The following OPCML variants were observed in gnomAD, a reference collection of about 807,000 sequenced individuals.
OPCML encodes the protein opioid binding protein/cell adhesion molecule like.
In OPCML, 13 loss-of-function variants were observed where a neutral mutation model predicts 37.8. The observed-to-expected ratio is 0.34, with a 90% CI of 0.22 to 0.55. The LOEUF (loss-of-function observed/expected upper bound fraction) is 0.55. OPCML is among the 20% of genes least tolerant of loss of function. The pLI is 0.91. For synonymous variants in OPCML, 176 were observed against 168.8 expected (o/e 1.04, Z -0.33); for missense variants, 341 against 435.6 (o/e 0.78, Z 1.93).
rs557105058 is a variant in OPCML at position 132,638,215 on chromosome 11, C to CTA, written c.379+18870_379+18871dup. Among the ~76,000 whole-genome samples the CTA allele has an allele frequency of 2.4e-4, 29 of 118,570 alleles. No homozygotes were observed. The East Asian group carries it at 4.0e-3, about 16-fold the overall frequency. 77.8% of individuals were successfully genotyped at this position (118,570 alleles called of 152,430 possible). ...GAGAGAGAGAGAGCATATATACAGA[C>CTA]TATATATATATATGATGTATACATA... is the stretch of plus-strand genomic sequence containing the variant. On this transcript the variant is annotated intron_variant, in intron 3 of 7. Transcript: ENST00000524381.
chr11:132,638,186 T>TATAC (rs71067383), intron 3 of OPCML, among the ~76,000 whole-genome samples: 3 of 131,020 alleles, frequency 2.3e-5, no homozygotes, highest in South Asian at 2.6e-4. Flanking sequence ...TATATATATA[T>TATAC]ACAGAGAGAG....
At chr11:133,181,137 A>G (rs1382255350) in intron 1 of OPCML, among the ~76,000 whole-genome samples, 1 of 152,234 alleles carries the variant, frequency 6.6e-6, no homozygotes, top group African/African-American at 2.4e-5. Context: ...AGTGGTTGCC[A>G]GCGTTTGGGG....
At chr11:132,918,912 G>A (rs1944695575) in intron 2 of OPCML, among the ~76,000 whole-genome samples, 1 of 152,198 alleles carries the variant, frequency 6.6e-6, no homozygotes, top group Admixed American at 6.5e-5. Flanking sequence ...TTGGACACTT[G>A]TGTATGACTC....
intron 2 of OPCML, among the ~76,000 whole-genome samples, chr11:132,852,125 A>C (rs575212815): frequency 2.0e-5 from 3 of 152,118 alleles, no homozygotes; most frequent in African/African-American, 7.2e-5. Flanking sequence ...GTACAAACAG[A>C]CCTTGTTAAA....
intron 2 of OPCML, among the ~76,000 whole-genome samples, chr11:132,711,245 G>A (rs1386290535): frequency 3.9e-5 from 6 of 152,174 alleles, no homozygotes; most frequent in Non-Finnish European, 7.3e-5. Flanking sequence ...CTCCGCAAGC[G>A]AGGACACTCA....
At chr11:132,844,895 A>G (rs1327730973) in intron 2 of OPCML, among the ~76,000 whole-genome samples, 2 of 151,634 alleles carry the variant, frequency 1.3e-5, no homozygotes, top group Non-Finnish European at 2.9e-5. Context: ...TACTTGGTTA[A>G]TCGCTACCCA....
intron 2 of OPCML, among the ~76,000 whole-genome samples, chr11:132,900,337 G>A (rs1944009267): frequency 6.6e-6 from 1 of 152,094 alleles, no homozygotes; most frequent in African/African-American, 2.4e-5. Flanking sequence ...CTATCACCAA[G>A]TCTCAATGAT....
chr11:132,817,953 T>C (rs573167825), intron 2 of OPCML, among the ~76,000 whole-genome samples: 4 of 152,132 alleles, frequency 2.6e-5, no homozygotes, highest in Non-Finnish European at 5.9e-5. Context: ...CAATATGGCA[T>C]TGTACAAGGG....
intron 1 of OPCML, among the ~76,000 whole-genome samples, chr11:133,271,383 T>A (rs1047155383): frequency 2.0e-5 from 3 of 152,202 alleles, no homozygotes; most frequent in Non-Finnish European, 4.4e-5. Flanking sequence ...CTGACATTGA[T>A]AGATGTTGTC....
Position 133,023,635 on chromosome 11 carries a change from C to A in OPCML, c.62-80625G>T, listed in dbSNP as rs74971927. ...ACTTCTCATAATTCTACGCAACAGT[C>A]AATATTAGCCATCACTGCCTCAAAT... On this transcript the variant is annotated intron_variant, in intron 1 of 7. Transcript: ENST00000524381. Among the ~76,000 whole-genome samples the A allele has an allele frequency of 3.5e-4, 53 of 152,206 alleles. No homozygotes were observed. The East Asian group carries it at 8.7e-3, about 25-fold the overall frequency.
intron 1 of OPCML, among the ~76,000 whole-genome samples, chr11:133,359,231 C>T (rs947859815): frequency 3.3e-5 from 5 of 152,156 alleles, no homozygotes; most frequent in African/African-American, 1.2e-4. Context: ...GTTTCTCACC[C>T]CCACTTCCTC....
intron 2 of OPCML, among the ~76,000 whole-genome samples, chr11:132,698,822 C>T (rs1405771763): frequency 6.6e-6 from 1 of 151,668 alleles, no homozygotes; most frequent in African/African-American, 2.4e-5. Flanking sequence ...ATAGTTGGGT[C>T]CAAGTTCATT....
rs1939185207 is a variant in OPCML, at chr11:133,208,087, T to C, written c.62-265077A>G. ...CTGAGCTCCCATAGCATTATTTTTTTCTCTCTTCAGAGCATCTACCATGAT... is the reference window on the plus strand; with the variant it reads ...CTGAGCTCCCATAGCATTATTTTTTCCTCTCTTCAGAGCATCTACCATGAT... On this transcript the variant is annotated intron_variant, in intron 1 of 7. Coordinates refer to ENST00000524381, the MANE Select transcript of OPCML (RefSeq NM_001012393.5). This position sits in a 1 kb window ranked among gnomAD's most constrained non-coding sequence, Gnocchi z 8.9. 6.6e-6 allele frequency among the ~76,000 whole-genome samples: 1 copy of C among 152,200 alleles called. No individual in the cohort carries two copies. Among genetic ancestry groups the C allele is most frequent in the South Asian group, 2.1e-4 (1 of 4,820 alleles).
chr11:132,649,928 TACACACAC>T lies in OPCML; in HGVS notation c.379+7151_379+7158del, dbSNP rs61282644. On this transcript the variant is annotated intron_variant, in intron 3 of 7. Transcript: ENST00000524381. ...ATGCCCTCACACATACACGCACTGT[TACACACAC>T]ACACACACACACACACAGTTTTCAT... Among the ~76,000 whole-genome samples, 384 of 147,866 alleles carry T rather than the reference TACACACAC, an allele frequency of 2.6e-3. 3 individuals are homozygous for T. The highest frequency in any genetic ancestry group is 8.8e-3 in the African/African-American group (355 of 40,370).
intron 1 of OPCML, among the ~76,000 whole-genome samples, chr11:133,068,479 A>G (rs907604070): frequency 6.6e-6 from 1 of 152,208 alleles, no homozygotes; most frequent in African/African-American, 2.4e-5. Flanking sequence ...TACATTCTTC[A>G]TCAAAATTCA....
At chr11:132,959,650 C>A (rs890912762) in intron 1 of OPCML, among the ~76,000 whole-genome samples, 2 of 152,138 alleles carry the variant, frequency 1.3e-5, no homozygotes, top group African/African-American at 4.8e-5. Context: ...TGGTTCACAG[C>A]GTTTCCATTT....
intron 4 of OPCML, among the ~76,000 whole-genome samples, chr11:132,479,849 T>G (rs1377463769): frequency 6.6e-6 from 1 of 151,976 alleles, no homozygotes; most frequent in African/African-American, 2.4e-5. Flanking sequence ...AGAAAGGACA[T>G]CCGCACAAAA....
chr11:132,480,888 AC>A (rs2137015287), intron 4 of OPCML, among the ~76,000 whole-genome samples: 1 of 152,312 alleles, frequency 6.6e-6, no homozygotes, highest in South Asian at 2.1e-4. Flanking sequence ...ATGGAAAGGA[AC>A]AACCGCTACC....
At chr11:133,481,680 T>C (rs1947375027) in intron 1 of OPCML, among the ~76,000 whole-genome samples, 1 of 152,138 alleles carries the variant, frequency 6.6e-6, no homozygotes, top group Non-Finnish European at 1.5e-5. Context: ...CAGAGGTCTG[T>C]CTGAGTTAAG....
Sources: allele counts gnomAD v4.1 joint callset (sites outside exome capture counted in the v4.1 genomes callset), GRCh38; gene constraint gnomAD v4.1.1; non-coding constraint Gnocchi (gnomAD v3.1); transcripts MANE v1.5; gene names NCBI Gene and HGNC (gene_info 2026-07-23, HGNC 2026-07-21).